MRPS27: variants seen among roughly 807,000 people sequenced by gnomAD.
MRPS27 encodes the protein mitochondrial ribosomal protein S27.
A neutral mutation model predicts 48.9 loss-of-function variants in MRPS27; 43 were observed. That is an observed-to-expected ratio of 0.88 (90% CI 0.69 to 1.13). The LOEUF (loss-of-function observed/expected upper bound fraction) is 1.13. MRPS27 is among the 50% of genes most tolerant of loss of function. The pLI is 0.00. For synonymous variants in MRPS27, 188 were observed against 171.9 expected (o/e 1.09, Z -0.73); for missense variants, 467 against 476.3 (o/e 0.98, Z 0.18).
At chr5:72,261,134 AT>A (rs1748957244) in intron 4 of MRPS27, among the ~76,000 whole-genome samples, 1 of 152,212 alleles carries the variant, frequency 6.6e-6, no homozygotes, top group Admixed American at 6.5e-5. Context: ...AAGTGCTGGG[AT>A]TACAGGTGTG....
chr5:72,226,196 T>C lies in MRPS27; in HGVS notation c.698A>G (p.Lys233Arg). The C allele has an allele frequency of 6.2e-7, 1 of 1,613,540 alleles. No individual in the cohort carries two copies. The highest frequency in any genetic ancestry group is 1.7e-5 in the Admixed American group (1 of 59,994). ...CCGTAGCCCTTGCTGCAACTCCACCTTCCCTGTGGCCAAAAAGAACAATAA... is the reference window on the plus strand; with the variant it reads ...CCGTAGCCCTTGCTGCAACTCCACCCTCCCTGTGGCCAAAAAGAACAATAA... Reference protein sequence around the residue: ...SQLYGYALLGKVELQQGLRAV... With the variant: ...SQLYGYALLGRVELQQGLRAV... The change falls in exon 9 of 11, where the codon AAG becomes AGG. Residue 233 changes from lysine (K) to arginine (R), a missense_variant. Transcript: ENST00000261413.
intron 8 of MRPS27, among the ~76,000 whole-genome samples, chr5:72,226,679 TCAAAACACC>T (rs1316222860): frequency 1.3e-5 from 2 of 150,102 alleles, no homozygotes; most frequent in Non-Finnish European, 3.0e-5. Flanking sequence ...TTGAAATCCT[TCAAAACACC>T]CAATCCTTAT....
chr5:72,251,668 C>CT (rs904776963), intron 4 of MRPS27, among the ~76,000 whole-genome samples: 14 of 152,288 alleles, frequency 9.2e-5, no homozygotes, highest in Non-Finnish European at 1.8e-4. Flanking sequence ...GTGTGGATGC[C>CT]TATGGAGGAT....
chr5:72,232,535 C>T lies in MRPS27; in HGVS notation c.499G>A (p.Val167Ile). 1 of 1,611,612 alleles carries T rather than the reference C, an allele frequency of 6.2e-7. No individual in the cohort carries two copies. Among genetic ancestry groups the T allele is most frequent in the East Asian group, 2.2e-5 (1 of 44,824 alleles). ...ACTTCAAAGGCTTCTTGCATCATGA[C>T]CTCAAAAACCACAGATAAAGCATCT... The part of the protein sequence containing the change: ...YKDALSVVFE[V>I]MMQEAFEVPS... Residue 167 changes from valine to isoleucine, a missense_variant, in exon 7 of 11, where the codon GTC becomes ATC. Val to Ile is a conservative substitution (Grantham distance 29). Coordinates refer to ENST00000261413, the MANE Select transcript of MRPS27 (RefSeq NM_015084.3).
At chr5:72,282,219 G>GA (rs1227302538) in intron 4 of MRPS27, among the ~76,000 whole-genome samples, 1 of 152,068 alleles carries the variant, frequency 6.6e-6, no homozygotes, top group East Asian at 1.9e-4. Context: ...AAATACTCAG[G>GA]AATTTATTTG....
rs949922384 is a variant in MRPS27 at position 72,266,038 on chromosome 5, T to C, written c.282-27910A>G. ...CTAGAAAATAAAGCTTCACCTAAGA[T>C]AGTATCTCATAGGACAGAGGAGGGG... On this transcript the variant is annotated intron_variant, in intron 4 of 10. Coordinates refer to ENST00000261413, the MANE Select transcript of MRPS27 (RefSeq NM_015084.3). 2.6e-5 allele frequency among the ~76,000 whole-genome samples: 4 copies of C among 152,110 alleles called. No individual in the cohort carries two copies. The East Asian group carries it at 7.7e-4, about 29-fold the overall frequency.
chr5:72,226,177 C>T lies in MRPS27; in HGVS notation c.717G>A (p.Gly239=), dbSNP rs145983040. The change falls in exon 9 of 11, where the codon GGG becomes GGA. Residue 239 remains glycine, a synonymous_variant. Coordinates refer to ENST00000261413, the MANE Select transcript of MRPS27 (RefSeq NM_015084.3). ...ALLGKVELQQ[G]LRAVYHNMPL... ...GCATGTTGTGGTACACAGCCCGTAG[C>T]CCTTGCTGCAACTCCACCTTCCCTG... 35 of 1,613,738 alleles carry T rather than the reference C, an allele frequency of 2.2e-5. 1 individual carries two copies. Among genetic ancestry groups the T allele is most frequent in the Middle Eastern group, 1.6e-4 (1 of 6,062 alleles).
rs1037472152 is a variant in MRPS27, at chr5:72,241,538, A to C, written c.282-3410T>G. The C allele has an allele frequency of 1.5e-5, 17 of 1,104,970 alleles. No homozygotes were observed. The African/African-American group carries it at 2.7e-4, about 17-fold the overall frequency. The allele number at this position is 1,104,970 out of a possible 1,614,324, so 68.4% of individuals were successfully genotyped here. On this transcript the variant is annotated intron_variant, in intron 4 of 10. Transcript: ENST00000261413. ...TCAATTTTGGATGGCAAGTTTGAGA[A>C]GAATTCCTGTTGGTGACTTTTTAAG...
chr5:72,313,430 A>G (rs1249644330), intron 2 of MRPS27, among the ~76,000 whole-genome samples: 1 of 152,220 alleles, frequency 6.6e-6, no homozygotes, highest in Non-Finnish European at 1.5e-5. Context: ...CGATGATGTT[A>G]TATATACCAA....
chr5:72,233,458 TG>T (rs1425297164), intron 6 of MRPS27, among the ~76,000 whole-genome samples: 5 of 152,138 alleles, frequency 3.3e-5, no homozygotes, highest in Non-Finnish European at 1.5e-5. Context: ...GCACAACAAA[TG>T]TTTTTTACTT....
chr5:72,243,798 CAA>C (rs1354003053), intron 4 of MRPS27, among the ~76,000 whole-genome samples: 3 of 152,064 alleles, frequency 2.0e-5, no homozygotes, highest in Admixed American at 2.0e-4. Context: ...AAATTAAAGT[CAA>C]GTTTACAGAG....
chr5:72,297,243 T>C (rs919512634), intron 3 of MRPS27, among the ~76,000 whole-genome samples: 1 of 152,220 alleles, frequency 6.6e-6, no homozygotes, highest in Non-Finnish European at 1.5e-5. Context: ...AGTTTAACTT[T>C]AACATTAATA....
At chr5:72,249,057 A>G (rs151104881) in intron 4 of MRPS27, among the ~76,000 whole-genome samples, 45 of 152,356 alleles carry the variant, frequency 3.0e-4, no homozygotes, top group African/African-American at 1.1e-3. Context: ...CTGTCCACAT[A>G]TACATGGCTG....
rs114942597 is a variant in MRPS27, at chr5:72,299,474, C to T, written c.152-1772G>A. 2.4e-3 allele frequency among the ~76,000 whole-genome samples: 360 copies of T among 152,298 alleles called. 1 individual carries two copies. The highest frequency in any genetic ancestry group is 8.3e-3 in the African/African-American group (346 of 41,566). ...AGGGAAGAAGACTCTTCATTGCTTACGCATTTATTCCTTTTGTATTTTGAA... is the reference window on the plus strand; with the variant it reads ...AGGGAAGAAGACTCTTCATTGCTTATGCATTTATTCCTTTTGTATTTTGAA... On this transcript the variant is annotated intron_variant, in intron 2 of 10. Transcript: ENST00000261413.
At chr5:72,306,452 A>T (rs1750271225) in intron 2 of MRPS27, among the ~76,000 whole-genome samples, 1 of 152,242 alleles carries the variant, frequency 6.6e-6, no homozygotes. Flanking sequence ...CAGTTTCACA[A>T]GACATATGGA....
chr5:72,221,344 C>A (rs915662846), intron 10 of MRPS27, among the ~76,000 whole-genome samples, 196 bp from the exon 11 acceptor site: 1 of 152,124 alleles, frequency 6.6e-6, no homozygotes, highest in African/African-American at 2.4e-5. Context: ...AGAAAAAAAC[C>A]ATTTTGTTGG....
intron 4 of MRPS27, among the ~76,000 whole-genome samples, chr5:72,272,270 A>G (rs1304771920): frequency 1.3e-5 from 2 of 152,198 alleles, no homozygotes; most frequent in Non-Finnish European, 2.9e-5. Flanking sequence ...AGAAAGGTCT[A>G]CTTGCAAGGT....
intron 4 of MRPS27, among the ~76,000 whole-genome samples, chr5:72,289,689 CAGGCATG>C (rs1749768871): frequency 6.6e-6 from 1 of 152,234 alleles, no homozygotes; most frequent in South Asian, 2.1e-4. Flanking sequence ...GCTGGGATTA[CAGGCATG>C]AGCCGCTGTG....
At chr5:72,239,131 GAAAA>G (rs1217398172) in intron 4 of MRPS27, among the ~76,000 whole-genome samples, 1 of 152,066 alleles carries the variant, frequency 6.6e-6, no homozygotes, top group Non-Finnish European at 1.5e-5. Flanking sequence ...TTCTTAAAAA[GAAAA>G]AGGTGAGACA....
Sources: allele counts gnomAD v4.1 joint callset (sites outside exome capture counted in the v4.1 genomes callset), GRCh38; gene constraint gnomAD v4.1.1; transcripts MANE v1.5; gene names NCBI Gene and HGNC (gene_info 2026-07-23, HGNC 2026-07-21).